Variants in JADE2 observed in about 807,000 individuals in gnomAD.
JADE2 encodes jade family PHD finger 2.
A neutral mutation model predicts 85.7 loss-of-function variants in JADE2; 13 were observed. The observed-to-expected ratio is 0.15, with a 90% confidence interval of 0.10 to 0.24. JADE2 has a LOEUF of 0.24. Among genes scored for constraint, JADE2 ranks in the 10% least tolerant of loss-of-function variants. The pLI is 1.00. For synonymous variants in JADE2, 440 were observed against 456.1 expected, an observed-to-expected ratio of 0.96 and a Z score of 0.45; for missense variants, 846 against 1,115.9, an observed-to-expected ratio of 0.76 and a Z score of 3.45.
intron 11 of JADE2, among the ~76,000 whole-genome samples, chr5:134,577,733 G>A (rs1764464564): frequency 6.6e-6 from 1 of 152,118 alleles, no homozygotes; most frequent in African/African-American, 2.4e-5. Flanking sequence ...GATAACTTGG[G>A]TGTCTAACAG....
intron 4 of JADE2, among the ~76,000 whole-genome samples, chr5:134,557,286 T>A (rs56110108): frequency 0.15 from 21,816 of 150,246 alleles, 1,831 homozygotes; most frequent in African/African-American, 0.22. Context: ...TTTTATTTTT[T>A]TTTTTTTCAG....
chr5:134,564,452 TG>T, intron 7 of JADE2, 41 bp from the exon 8 acceptor site: 2 of 1,361,014 alleles, frequency 1.5e-6, no homozygotes, highest in Admixed American at 2.3e-5. Flanking sequence ...GGAGGCAGGC[TG>T]GGGATGAGAG....
chr5:134,542,712 G>T (rs1053968706), intron 3 of JADE2, among the ~76,000 whole-genome samples: 1 of 151,768 alleles, frequency 6.6e-6, no homozygotes, highest in Non-Finnish European at 1.5e-5. Flanking sequence ...AGAGTGCTGG[G>T]ATTACAAGCG....
At chr5:134,557,003 G>C (rs1762989315) in intron 4 of JADE2, among the ~76,000 whole-genome samples, 3 of 102,960 alleles carry the variant, frequency 2.9e-5, no homozygotes, top group Admixed American at 1.0e-4. Flanking sequence ...CATACCACAT[G>C]CACACACACA....
intron 1 of JADE2, chr5:134,526,604 A>G (rs1373329525): frequency 2.0e-6 from 2 of 984,938 alleles, no homozygotes; most frequent in Non-Finnish European, 2.4e-6. Context: ...GGTCCCAGAC[A>G]CCTTCCGGGG....
intron 11 of JADE2, 80 bp downstream of exon 11, chr5:134,576,976 G>A (rs1581490111): frequency 1.4e-6 from 2 of 1,458,194 alleles, no homozygotes; most frequent in East Asian, 2.5e-5. Flanking sequence ...CCCTGCGGAA[G>A]GCCAGCTGCA....
rs1364748210 is a variant in JADE2 at position 134,582,345 on chromosome 5, A to G, written c.*3028A>G. The G allele has an allele frequency of 2.0e-5, 3 of 152,222 alleles. No homozygotes were observed. Among genetic ancestry groups the G allele is most frequent in the Admixed American group, 6.5e-5 (1 of 15,276 alleles). 9.4% of individuals were successfully genotyped at this position (152,222 alleles called of 1,614,324 possible). On this transcript the variant is annotated 3_prime_UTR_variant, in exon 12 of 12. Transcript: ENST00000681547. ...GAGAAGCCACCCCAGGTTTCCAGAC[A>G]TAGATGTTGAATTGTTTGTGGGGGG...
At chr5:134,560,982 C>G in intron 6 of JADE2, 25 bp downstream of exon 6, 1 of 1,597,572 alleles carries the variant, frequency 6.3e-7, no homozygotes, top group Non-Finnish European at 8.6e-7. Flanking sequence ...CAGTCACCCT[C>G]ACCTGTGCCA....
intron 11 of JADE2, among the ~76,000 whole-genome samples, chr5:134,577,893 C>G (rs1311425927): frequency 6.6e-6 from 1 of 151,964 alleles, no homozygotes; most frequent in African/African-American, 2.4e-5. Context: ...TACCCCTATT[C>G]GTACCTGATC....
chr5:134,533,218 G>A (rs924681373), intron 1 of JADE2, among the ~76,000 whole-genome samples: 2 of 152,184 alleles, frequency 1.3e-5, no homozygotes, highest in Admixed American at 6.5e-5. Flanking sequence ...AGGCTGCCAT[G>A]GTATTACTAT....
chr5:134,548,605 G>A (rs544251286), intron 3 of JADE2, among the ~76,000 whole-genome samples: 3 of 152,194 alleles, frequency 2.0e-5, no homozygotes, highest in Non-Finnish European at 4.4e-5. Flanking sequence ...CATGACCCAG[G>A]ATGAAACGTG....
rs751375905 is a variant in JADE2 at position 134,550,933 on chromosome 5, C to T, written c.154-1119C>T. 2.2e-4 allele frequency among the ~76,000 whole-genome samples: 34 copies of T among 152,118 alleles called. 1 individual carries two copies. The highest frequency in any genetic ancestry group is 1.3e-4 in the Admixed American group (2 of 15,280). ...CAACCCTCTCCTTCCTGCCTTCCTA[C>T]CCCCCCTTCCCCAACACACACAAAG... On this transcript the variant is annotated intron_variant, in intron 3 of 11. Transcript: ENST00000681547.
At chr5:134,526,615 G>T (rs1760840077) in intron 1 of JADE2, 3 of 985,468 alleles carry the variant, frequency 3.0e-6, no homozygotes, top group Non-Finnish European at 3.6e-6. Context: ...CCTTCCGGGG[G>T]CCACCGCCTC....
At chr5:134,573,937 A>G in intron 10 of JADE2, 175 bp downstream of exon 10, 1 of 695,940 alleles carries the variant, frequency 1.4e-6, no homozygotes, top group Non-Finnish European at 2.6e-6. Context: ...GGGGGCCTGC[A>G]AGGGTCCTGA....
chr5:134,565,596 G>A (rs1315620737), intron 8 of JADE2, among the ~76,000 whole-genome samples: 1 of 152,176 alleles, frequency 6.6e-6, no homozygotes. Flanking sequence ...TGTAATCCCA[G>A]CACTTTGGGA....
intron 10 of JADE2, 26 bp from the exon 11 acceptor site, chr5:134,576,739 CCCT>C (rs1283356302): frequency 3.2e-6 from 5 of 1,550,354 alleles, no homozygotes; most frequent in African/African-American, 1.4e-5. Flanking sequence ...GTAACCATCT[CCCT>C]CCTCCTCTCA....
intron 9 of JADE2, among the ~76,000 whole-genome samples, chr5:134,573,143 T>C (rs1764143942): frequency 6.6e-6 from 1 of 152,324 alleles, no homozygotes; most frequent in South Asian, 2.1e-4. Flanking sequence ...GGACAAGTGT[T>C]AGTTTTTGCC....
intron 3 of JADE2, 57 bp from the exon 4 acceptor site, chr5:134,551,994 TG>T: frequency 6.4e-7 from 1 of 1,556,308 alleles, no homozygotes; most frequent in Non-Finnish European, 8.9e-7. Flanking sequence ...CTCTGGCCTG[TG>T]GGGCAGACTG....
chr5:134,533,557 T>C, intron 1 of JADE2: 10 of 985,112 alleles, frequency 1.0e-5, no homozygotes, highest in Non-Finnish European at 1.2e-5. Context: ...TGAAGAGAAA[T>C]GGAATTCGCT....
Sources: gnomAD v4.1 joint callset for allele counts (sites outside exome capture counted in the v4.1 genomes callset) on GRCh38, gnomAD v4.1.1 for gene constraint, MANE v1.5 for transcripts, NCBI Gene and HGNC (gene_info 2026-07-23, HGNC 2026-07-21) for gene names.